ZNF506: variants seen among roughly 807,000 people sequenced by gnomAD.
The protein encoded by ZNF506 is zinc finger protein 506.
A neutral mutation model predicts 11.6 loss-of-function variants in ZNF506; 10 were observed. The observed-to-expected ratio is 0.86, with a 90% CI of 0.53 to 1.46. The LOEUF (loss-of-function observed/expected upper bound fraction) is 1.46. ZNF506 is among the 40% of genes most tolerant of loss of function. The pLI is 0.00. For synonymous variants in ZNF506, 156 were observed against 173.3 expected (o/e 0.90, Z 0.78); for missense variants, 425 against 521.2 (o/e 0.82, Z 1.80).
At chr19:19,817,424 C>T (rs371883810) in intron 1 of ZNF506, among the ~76,000 whole-genome samples, 42 of 127,200 alleles carry the variant, frequency 3.3e-4, no homozygotes, top group South Asian at 2.0e-3. Flanking sequence ...ATTTTTTTTA[C>T]GTAAATCTGA....
At chr19:19,812,828 A>G (rs1385238591) in intron 1 of ZNF506, among the ~76,000 whole-genome samples, 1 of 152,144 alleles carries the variant, frequency 6.6e-6, no homozygotes. Flanking sequence ...TATTCCCCTA[A>G]AAGCAATTTC....
Position 19,795,018 on chromosome 19 carries a change from C to A in ZNF506, c.869G>T (p.Cys290Phe). ...TGEKPYKCDK[C>F]GKAFISSSTL... ...TGAGGATGAAATAAAGGCTTTGCCA[C>A]ATTTATCACACTTGTATGGTTTCTC... The change falls in exon 4 of 4, where the codon TGT becomes TTT. Residue 290 changes from cysteine to phenylalanine, a missense_variant. Cys to Phe is a radical substitution (Grantham distance 205). Around this residue, in one of 3 missense-constraint regions of ZNF506, gnomAD observed 192 missense variants for 215.7 expected, o/e 0.89. Coordinates refer to ENST00000540806, the MANE Select transcript of ZNF506 (RefSeq NM_001099269.3). The A allele has an allele frequency of 6.2e-7, 1 of 1,613,828 alleles. No individual in the cohort carries two copies. The highest frequency in any genetic ancestry group is 8.5e-7 in the Non-Finnish European group (1 of 1,179,968).
chr19:19,807,048 A>G lies in ZNF506; in HGVS notation c.24T>C (p.Asp8=). 6.2e-7 allele frequency: 1 copy of G among 1,613,972 alleles called. No homozygotes were observed. Among genetic ancestry groups the G allele is most frequent in the Non-Finnish European group, 8.5e-7 (1 of 1,179,948 alleles). The stretch of plus-strand genomic sequence containing the variant: ...CCTCCAGAGAGAATTCTATGGCCAC[A>G]TCTCTAAATTGCAATGGTCCCTGAA... The part of the protein sequence containing the change: MGPLQFR[D]VAIEFSLEEW... The change falls in exon 2 of 4, where the codon GAT becomes GAC. Residue 8 remains aspartate (D), a synonymous_variant. Transcript: ENST00000540806.
intron 1 of ZNF506, among the ~76,000 whole-genome samples, chr19:19,808,108 C>CCTTT (rs1331920456): frequency 1.8e-5 from 1 of 56,730 alleles, no homozygotes; most frequent in Non-Finnish European, 3.0e-5. Context: ...TCATTAACCA[C>CCTTT]TTTTTTTTTT....
chr19:19,820,251 C>G (rs2062958798), intron 1 of ZNF506: 1 of 152,102 alleles, frequency 6.6e-6, no homozygotes, highest in South Asian at 2.1e-4. Context: ...CAGATTCCCA[C>G]TTCTAAGGAA....
chr19:19,798,819 TTC>T (rs2062767457), intron 3 of ZNF506: 1 of 152,032 alleles, frequency 6.6e-6, no homozygotes, highest in African/African-American at 2.4e-5. Flanking sequence ...CAGTAAGTTT[TTC>T]TCTTTCAGAA....
At chr19:19,819,803 A>T (rs1470184262) in intron 1 of ZNF506, among the ~76,000 whole-genome samples, 2 of 152,228 alleles carry the variant, frequency 1.3e-5, no homozygotes, top group Non-Finnish European at 2.9e-5. Flanking sequence ...AATACTTTTT[A>T]AAAAATGACT....
chr19:19,800,206 C>CA (rs528375695), intron 3 of ZNF506, among the ~76,000 whole-genome samples: 5 of 151,812 alleles, frequency 3.3e-5, no homozygotes, highest in African/African-American at 1.2e-4. Flanking sequence ...CACAAAAAGA[C>CA]AGAGACTGTA....
chr19:19,809,594 T>C (rs1303607796), intron 1 of ZNF506, among the ~76,000 whole-genome samples: 4 of 152,156 alleles, frequency 2.6e-5, no homozygotes, highest in African/African-American at 9.7e-5. Flanking sequence ...ATGACATCAA[T>C]TGGCAGAAAA....
At chr19:19,803,196 C>T (rs2062809011) in intron 3 of ZNF506, among the ~76,000 whole-genome samples, 1 of 152,248 alleles carries the variant, frequency 6.6e-6, no homozygotes, top group Non-Finnish European at 1.5e-5. Flanking sequence ...TGAACTTACT[C>T]TCTAACTATC....
chr19:19,798,154 AAAGAT>A (rs1433040534), intron 3 of ZNF506: 1 of 152,240 alleles, frequency 6.6e-6, no homozygotes, highest in African/African-American at 2.4e-5. Context: ...GTACAGTTTA[AAAGAT>A]AAAAGTATGG....
chr19:19,795,499 AACCTCTT>A lies in ZNF506; in HGVS notation c.381_387del (p.Lys127AsnfsTer23), dbSNP rs2062733030. 2 of 1,598,322 alleles carry A rather than the reference AACCTCTT, an allele frequency of 1.3e-6. No individual in the cohort carries two copies. Among genetic ancestry groups the A allele is most frequent in the Non-Finnish European group, 1.7e-6 (2 of 1,174,216 alleles). On this transcript the variant is annotated frameshift_variant, in exon 4 of 4. Coordinates refer to ENST00000540806, the MANE Select transcript of ZNF506 (RefSeq NM_001099269.3). LOFTEE classifies it low-confidence loss of function (END_TRUNC). ...GCCAAACATTGTTTAAGTCCATTAT[AACCTCTT>A]TTGTGCACTGGACACTCATCTACAC...
At chr19:19,817,320 C>T (rs1242857760) in intron 1 of ZNF506, among the ~76,000 whole-genome samples, 1 of 152,176 alleles carries the variant, frequency 6.6e-6, no homozygotes, top group Non-Finnish European at 1.5e-5. Context: ...TTGCACCTCC[C>T]TAGGAAAGAA....
intron 3 of ZNF506, among the ~76,000 whole-genome samples, chr19:19,800,391 A>AATATATATATATTTATATATATATATAT (rs2062780179): frequency 7.2e-6 from 1 of 139,244 alleles, no homozygotes; most frequent in Non-Finnish European, 1.5e-5. Context: ...AACTAAACAG[A>AATATATATATATTTATATATATATATAT]ATATATATAT....
rs148151039 is a variant in ZNF506 at position 19,795,705 on chromosome 19, G to A, written c.227-45C>T. 2.5e-4 allele frequency: 358 copies of A among 1,452,938 alleles called. 1 individual carries two copies. In the Middle Eastern group the frequency reaches 3.1e-3, roughly 13 times the overall value. The allele number at this position is 1,452,938 out of a possible 1,614,324, so 90.0% of individuals were successfully genotyped here. A position where few individuals can be genotyped will look rare whatever the true frequency, so the allele number is the denominator to read the frequency against. ...CACATGACTTCAATTGCTAGACTCA[G>A]ATAAATATACTTCACAAATCTAACC... On this transcript the variant is annotated intron_variant, in intron 3 of 3. Coordinates refer to ENST00000540806, the MANE Select transcript of ZNF506 (RefSeq NM_001099269.3).
intron 3 of ZNF506, among the ~76,000 whole-genome samples, chr19:19,802,556 CATT>C (rs2062804172): frequency 6.6e-6 from 1 of 151,410 alleles, no homozygotes; most frequent in South Asian, 2.1e-4. Context: ...AAATAAACTA[CATT>C]ATTATTTAGA....
At chr19:19,806,865 C>A in intron 2 of ZNF506, 77 bp downstream of exon 2, 1 of 1,523,040 alleles carries the variant, frequency 6.6e-7, no homozygotes, top group South Asian at 1.2e-5. Context: ...GAATAAATTA[C>A]TAAAAAACAT....
At chr19:19,804,863 CAT>C (rs1568476465) in intron 3 of ZNF506, among the ~76,000 whole-genome samples, 1 of 151,780 alleles carries the variant, frequency 6.6e-6, no homozygotes, top group East Asian at 1.9e-4. Flanking sequence ...TGTTCTCACT[CAT>C]AGGTGGGAAT....
At position 19,794,812 on chromosome 19, in the gene ZNF506, G is replaced by A. The variant is rs1329134096; in HGVS notation, c.1075C>T (p.His359Tyr). ...TFTWYSSLSK[H>Y]KRAHTGEKPY... ...TTCTCTCCAGTATGAGCTCTCTTAT[G>A]TTTAGAGAGGCTTGAGTACCAGGTA... is the stretch of plus-strand genomic sequence containing the variant. Residue 359 changes from histidine (H) to tyrosine (Y), a missense_variant, in exon 4 of 4, where the codon CAT becomes TAT. By Grantham distance (83) the His-to-Tyr change is moderately conservative. Coordinates refer to ENST00000540806, the MANE Select transcript of ZNF506 (RefSeq NM_001099269.3). The A allele has an allele frequency of 4.3e-6, 7 of 1,613,880 alleles. No individual in the cohort carries two copies. The East Asian group carries it at 1.6e-4, about 36-fold the overall frequency.
Sources: gnomAD v4.1 joint callset for allele counts (sites outside exome capture counted in the v4.1 genomes callset) on GRCh38, gnomAD v4.1.1 for gene constraint, gnomAD v4.1.1 regional missense constraint, MANE v1.5 for transcripts, NCBI Gene and HGNC (gene_info 2026-07-23, HGNC 2026-07-21) for gene names.